Variants in NAV1 observed in about 807,000 individuals in gnomAD.
The protein encoded by NAV1 is neuron navigator 1.
A neutral mutation model predicts 175.2 loss-of-function variants in NAV1; 18 were observed. That is an observed-to-expected ratio of 0.10 (90% confidence interval 0.07 to 0.15). The LOEUF is 0.15. Among genes scored for constraint, NAV1 ranks in the 10% least tolerant of loss-of-function variants. The pLI, the probability that NAV1 is intolerant of heterozygous loss-of-function variation, is 1.00. For missense variants in NAV1, 1,731 were observed against 2,436.6 expected (o/e 0.71, Z 6.10); for synonymous variants, 897 against 978.7 (o/e 0.92, Z 1.56).
chr1:201,775,461 A>G (rs1675875218), intron 3 of NAV1, among the ~76,000 whole-genome samples: 1 of 152,218 alleles, frequency 6.6e-6, no homozygotes, highest in Non-Finnish European at 1.5e-5. Flanking sequence ...CTGAAGCCAT[A>G]GTTGACAAGT....
chr1:201,563,717 AC>A (rs1362258755), intron 1 of NAV1, among the ~76,000 whole-genome samples: 2 of 152,170 alleles, frequency 1.3e-5, no homozygotes, highest in African/African-American at 2.4e-5. Flanking sequence ...CATGTGAAAG[AC>A]CTGCGAAGGC....
chr1:201,780,372 G>T, intron 3 of NAV1, 49 bp from the exon 8 acceptor site: 2 of 1,604,236 alleles, frequency 1.2e-6, no homozygotes, highest in Non-Finnish European at 8.5e-7. Context: ...TTTATTTTTT[G>T]CCTGGGCTTC....
At chr1:201,624,493 A>G (rs1182045107) in intron 1 of NAV1, among the ~76,000 whole-genome samples, 3 of 150,920 alleles carry the variant, frequency 2.0e-5, no homozygotes, top group African/African-American at 2.4e-5. Context: ...ACAGGCGCCC[A>G]CCACCACACC....
intron 1 of NAV1, among the ~76,000 whole-genome samples, chr1:201,565,507 C>T (rs974110119): frequency 4.6e-5 from 7 of 152,180 alleles, no homozygotes; most frequent in African/African-American, 9.7e-5. Flanking sequence ...GCATGGGGCC[C>T]GGCCCATGGC....
intron 1 of NAV1, among the ~76,000 whole-genome samples, chr1:201,549,093 TTC>T (rs1491455515): frequency 1.2e-4 from 15 of 129,272 alleles, no homozygotes; most frequent in African/African-American, 3.5e-4. Context: ...CTTTCTTTCT[TTC>T]TTTCTTTCTT....
chr1:201,628,138 CAAAA>C (rs5780079), intron 1 of NAV1, among the ~76,000 whole-genome samples: 23 of 95,778 alleles, frequency 2.4e-4, no homozygotes, highest in South Asian at 3.9e-4. Context: ...GACCCTGTGT[CAAAA>C]AAAAAAAAAA....
chr1:201,658,270 G>A (rs1297282156), intron 1 of NAV1, among the ~76,000 whole-genome samples: 2 of 152,168 alleles, frequency 1.3e-5, no homozygotes, highest in Non-Finnish European at 2.9e-5. Flanking sequence ...TGAGGAGATA[G>A]AAGTGTCCAG....
intron 2 of NAV1, among the ~76,000 whole-genome samples, chr1:201,638,308 C>T (rs1286100193): frequency 2.6e-5 from 4 of 152,172 alleles, no homozygotes; most frequent in Admixed American, 6.5e-5. Flanking sequence ...AGCTATGAAG[C>T]GACTGGTGTT....
At position 201,679,298 on chromosome 1, in the gene NAV1, G is replaced by T. The variant is rs78150137; in HGVS notation, c.757+29873G>T. ...GTCCTCTAATTACCGGTGTGCATCT[G>T]GGAAAGTGAGTCAGCCACGTGAAAA... On this transcript the variant is annotated intron_variant, in intron 1 of 29. Coordinates refer to ENST00000367296, the Ensembl canonical transcript of NAV1. Among the ~76,000 whole-genome samples, 165 of 152,284 alleles carry T rather than the reference G, an allele frequency of 1.1e-3. 4 individuals carry two copies. In the East Asian group the frequency reaches 0.029, roughly 27 times the overall value.
At chr1:201,642,515 TTC>T (rs1668803821) in intron 2 of NAV1, among the ~76,000 whole-genome samples, 1 of 107,994 alleles carries the variant, frequency 9.3e-6, no homozygotes, top group African/African-American at 4.5e-5. Context: ...CCCGGCCTCT[TTC>T]TTTCTTTTTT....
chr1:201,678,764 A>G (rs927021949), intron 1 of NAV1, among the ~76,000 whole-genome samples: 7 of 152,100 alleles, frequency 4.6e-5, no homozygotes, highest in Non-Finnish European at 8.8e-5. Flanking sequence ...ATCTCCCCAC[A>G]AGCTCAAACT....
intron 6 of NAV1, 99 bp from the exon 11 acceptor site, chr1:201,783,307 T>C (rs1676457228): frequency 1.7e-6 from 2 of 1,207,074 alleles, no homozygotes; most frequent in South Asian, 1.4e-5. Flanking sequence ...GCTTAGCAAA[T>C]AGGCAGAAAA....
At chr1:201,770,427 T>G (rs978261478) in intron 3 of NAV1, among the ~76,000 whole-genome samples, 2 of 152,228 alleles carry the variant, frequency 1.3e-5, no homozygotes, top group African/African-American at 4.8e-5. Context: ...CTTTATTTAT[T>G]CTAAGAGCAC....
At chr1:201,802,457 T>TAA (rs34494216) in intron 15 of NAV1, among the ~76,000 whole-genome samples, 6,110 of 100,866 alleles carry the variant, frequency 0.061, 525 homozygotes, top group East Asian at 0.28. Flanking sequence ...CCTGTCTCAT[T>TAA]AAAAAAAAAA....
intron 2 of NAV1, among the ~76,000 whole-genome samples, chr1:201,633,516 C>T (rs542357491): frequency 1.1e-4 from 17 of 152,302 alleles, no homozygotes; most frequent in East Asian, 7.7e-4. Context: ...CTCACTCAGT[C>T]GCACACTGTC....
chr1:201,752,493 A>G (rs1674182367), intron 3 of NAV1, among the ~76,000 whole-genome samples: 1 of 152,204 alleles, frequency 6.6e-6, no homozygotes. Flanking sequence ...CTCTTATTCT[A>G]AGGATCTCAA....
At chr1:201,604,539 G>A (rs1029759419) in intron 2 of NAV1, among the ~76,000 whole-genome samples, 2 of 151,944 alleles carry the variant, frequency 1.3e-5, no homozygotes, top group African/African-American at 4.8e-5. Flanking sequence ...AAAATTAGCC[G>A]GGCATGCTAG....
intron 4 of NAV1, among the ~76,000 whole-genome samples, 167 bp from the exon 9 acceptor site, chr1:201,780,845 T>C (rs1487462168): frequency 6.6e-6 from 1 of 152,160 alleles, no homozygotes. Context: ...CCCCGAGATA[T>C]ATGTCATCTG....
At chr1:201,658,346 G>A (rs540799091) in intron 1 of NAV1, among the ~76,000 whole-genome samples, 7 of 150,928 alleles carry the variant, frequency 4.6e-5, no homozygotes, top group East Asian at 1.9e-4. Context: ...CTGAGGGCTC[G>A]GCCAGCTGGA....
Sources: gnomAD v4.1 joint callset for allele counts (sites outside exome capture counted in the v4.1 genomes callset) on GRCh38, gnomAD v4.1.1 for gene constraint, MANE v1.5 for transcripts, NCBI Gene and HGNC (gene_info 2026-07-23, HGNC 2026-07-21) for gene names.